Variants in ZNF804B observed in about 807,000 individuals in gnomAD.
The protein encoded by ZNF804B is zinc finger 804B.
A neutral mutation model predicts 101.4 loss-of-function variants in ZNF804B; 80 were observed. That is an observed-to-expected ratio of 0.79 (90% CI 0.66 to 0.95). The LOEUF is 0.95. Ranked by LOEUF, ZNF804B falls within the 40% of genes least tolerant of loss-of-function variation. The pLI is 0.00. For missense variants in ZNF804B, 1,673 were observed against 1,561.9 expected (o/e 1.07, Z -1.20); for synonymous variants, 622 against 558.8 (o/e 1.11, Z -1.59).
At chr7:89,276,894 C>T (rs1789989333) in intron 2 of ZNF804B, among the ~76,000 whole-genome samples, 1 of 151,548 alleles carries the variant, frequency 6.6e-6, no homozygotes, top group African/African-American at 2.4e-5. Flanking sequence ...CTGTATATCA[C>T]CAAGAAGTGT....
chr7:88,935,427 C>A (rs10225685), intron 1 of ZNF804B, among the ~76,000 whole-genome samples: 1 of 150,460 alleles, frequency 6.6e-6, no homozygotes, highest in African/African-American at 2.4e-5. Context: ...CTCACAGCTG[C>A]AATCTTAGCA....
chr7:89,083,852 G>A (rs1789734286), intron 1 of ZNF804B, among the ~76,000 whole-genome samples: 1 of 151,694 alleles, frequency 6.6e-6, no homozygotes, highest in Admixed American at 6.6e-5. Flanking sequence ...TAACCAAATG[G>A]CTCCAAATAT....
chr7:89,248,282 GAAC>G (rs1477103438), intron 2 of ZNF804B, among the ~76,000 whole-genome samples: 1 of 151,638 alleles, frequency 6.6e-6, no homozygotes, highest in African/African-American at 2.4e-5. Flanking sequence ...TATACAAAAC[GAAC>G]AACACCAAGG....
chr7:88,918,275 C>T (rs766829545), intron 1 of ZNF804B, among the ~76,000 whole-genome samples: 9 of 151,892 alleles, frequency 5.9e-5, no homozygotes, highest in Admixed American at 4.6e-4. Context: ...ATATGCAATG[C>T]GTTAGAATTA....
chr7:89,213,168 A>G (rs1036709340), intron 1 of ZNF804B, among the ~76,000 whole-genome samples: 3 of 152,146 alleles, frequency 2.0e-5, no homozygotes, highest in Non-Finnish European at 4.4e-5. Flanking sequence ...CCTCCAAAGC[A>G]AGTTTTCTGT....
At chr7:89,075,889 C>A (rs954497377) in intron 1 of ZNF804B, among the ~76,000 whole-genome samples, 1 of 152,200 alleles carries the variant, frequency 6.6e-6, no homozygotes, top group Non-Finnish European at 1.5e-5. Context: ...CAAAGGAGAT[C>A]ATTTTGAAGC....
Position 88,889,223 on chromosome 7 carries a change from T to A in ZNF804B, c.108+129139T>A, listed in dbSNP as rs574891243. Among the ~76,000 whole-genome samples the A allele has an allele frequency of 1.3e-3, 191 of 152,338 alleles. No individual in the cohort carries two copies. In the Middle Eastern group the frequency reaches 0.024, roughly 19 times the overall value. On this transcript the variant is annotated intron_variant, in intron 1 of 3. Transcript: ENST00000333190. ...GGCACCGAGGTTGATTCCATGTTTT[T>A]GTTATTGTGAATTGTGCTGTAATGA...
chr7:89,127,208 T>C (rs532908865), intron 1 of ZNF804B, among the ~76,000 whole-genome samples: 148 of 152,052 alleles, frequency 9.7e-4, no homozygotes, highest in African/African-American at 3.2e-3. Flanking sequence ...AATATCGATA[T>C]TGATGTTCAA....
intron 2 of ZNF804B, among the ~76,000 whole-genome samples, chr7:89,275,189 G>A (rs890107105): frequency 2.0e-5 from 3 of 151,872 alleles, no homozygotes; most frequent in African/African-American, 7.3e-5. Flanking sequence ...CAGCTTCTCT[G>A]GCCAAAAACT....
intron 1 of ZNF804B, among the ~76,000 whole-genome samples, chr7:89,021,536 A>G (rs998421112): frequency 6.6e-6 from 1 of 152,170 alleles, no homozygotes; most frequent in Non-Finnish European, 1.5e-5. Flanking sequence ...TGGGCATGCC[A>G]AACTGTTTGT....
chr7:88,950,817 G>A (rs1198005918), intron 1 of ZNF804B, among the ~76,000 whole-genome samples: 3 of 151,750 alleles, frequency 2.0e-5, no homozygotes, highest in Non-Finnish European at 4.4e-5. Context: ...TATGGCTTAC[G>A]CATGCAGTAA....
chr7:89,280,543 A>AT (rs1162399777), intron 2 of ZNF804B, among the ~76,000 whole-genome samples: 2 of 152,202 alleles, frequency 1.3e-5, no homozygotes, highest in African/African-American at 4.8e-5. Flanking sequence ...GAAGAATCAA[A>AT]TAGACGCAAT....
chr7:88,791,448 C>T (rs1047527524), intron 1 of ZNF804B, among the ~76,000 whole-genome samples: 93 of 152,162 alleles, frequency 6.1e-4, no homozygotes, highest in African/African-American at 2.2e-3. Flanking sequence ...TTACGATATG[C>T]TAAGTAAATC....
intron 2 of ZNF804B, among the ~76,000 whole-genome samples, chr7:89,290,421 G>A (rs1181437989): frequency 6.6e-6 from 1 of 152,202 alleles, no homozygotes. Flanking sequence ...TGGGGTCCCC[G>A]ATTTCAAGCT....
chr7:89,163,016 T>C, intron 1 of ZNF804B, among the ~76,000 whole-genome samples: 1 of 152,006 alleles, frequency 6.6e-6, no homozygotes, highest in East Asian at 1.9e-4. Flanking sequence ...TCATTTTTTA[T>C]GGCTGCATAG....
intron 2 of ZNF804B, among the ~76,000 whole-genome samples, chr7:89,294,532 T>C (rs556113138): frequency 5.7e-4 from 87 of 152,236 alleles, no homozygotes; most frequent in African/African-American, 2.0e-3. Flanking sequence ...ACTTGAAATA[T>C]GTCTAATTGC....
At chr7:88,843,474 A>C (rs969953535) in intron 1 of ZNF804B, among the ~76,000 whole-genome samples, 2 of 152,176 alleles carry the variant, frequency 1.3e-5, no homozygotes, top group African/African-American at 4.8e-5. Context: ...GCGGTAGCTC[A>C]CGCCTGTAAT....
At chr7:89,172,236 A>G (rs1353244527) in intron 1 of ZNF804B, among the ~76,000 whole-genome samples, 2 of 152,170 alleles carry the variant, frequency 1.3e-5, no homozygotes, top group East Asian at 1.9e-4. Flanking sequence ...GATTTGTAAA[A>G]TATGACTTTT....
chr7:89,019,592 A>G (rs78466971), intron 1 of ZNF804B, among the ~76,000 whole-genome samples: 3,454 of 152,106 alleles, frequency 0.023, 137 homozygotes, highest in African/African-American at 0.079. Flanking sequence ...TGAAGTTCCT[A>G]TTACTGTTTT....
Sources: gnomAD v4.1 joint callset for allele counts (sites outside exome capture counted in the v4.1 genomes callset) on GRCh38, gnomAD v4.1.1 for gene constraint, MANE v1.5 for transcripts, NCBI Gene and HGNC (gene_info 2026-07-23, HGNC 2026-07-21) for gene names.